The following KCNQ5 variants were observed in gnomAD, a reference collection of about 807,000 sequenced individuals.
The protein encoded by KCNQ5 is potassium voltage-gated channel subfamily Q member 5.
KCNQ5 carries 30 observed loss-of-function variants against 98.2 expected under a neutral mutation model. That is an observed-to-expected ratio of 0.31 (90% CI 0.23 to 0.41). The LOEUF is 0.41. KCNQ5 is among the 10% of genes least tolerant of loss of function. The probability of loss-of-function intolerance (pLI) is 1.00; values close to 1 mark genes in which losing one functional copy is unlikely to be tolerated. For synonymous variants in KCNQ5, 458 were observed against 449.4 expected, an observed-to-expected ratio of 1.02 and a Z score of -0.24; for missense variants, 835 against 1,182.5, an observed-to-expected ratio of 0.71 and a Z score of 4.31.
intron 3 of KCNQ5, among the ~76,000 whole-genome samples, chr6:73,050,220 G>A (rs969219895): frequency 7.1e-6 from 1 of 141,226 alleles, no homozygotes; most frequent in Non-Finnish European, 1.5e-5. Context: ...GAGAGAGAGA[G>A]AGACAAAGAG....
At chr6:72,646,648 C>T (rs1025387076) in intron 1 of KCNQ5, among the ~76,000 whole-genome samples, 7 of 152,186 alleles carry the variant, frequency 4.6e-5, no homozygotes, top group Non-Finnish European at 7.4e-5. Context: ...TCTGCCAATC[C>T]AGCCTTGTTT....
intron 10 of KCNQ5, chr6:73,157,799 G>A (rs1777428430): frequency 1.3e-6 from 1 of 779,270 alleles, no homozygotes; most frequent in Admixed American, 1.7e-5. Context: ...GTTGCCATTA[G>A]CTTGCTCTTG....
At chr6:72,873,044 AT>A (rs1778277212) in intron 1 of KCNQ5, among the ~76,000 whole-genome samples, 1 of 152,102 alleles carries the variant, frequency 6.6e-6, no homozygotes, top group African/African-American at 2.4e-5. Context: ...CCACTAAAGC[AT>A]TTTATACACT....
intron 1 of KCNQ5, among the ~76,000 whole-genome samples, chr6:72,743,234 A>G (rs939406508): frequency 7.9e-5 from 12 of 152,078 alleles, no homozygotes; most frequent in African/African-American, 2.9e-4. Flanking sequence ...CTATATAAAT[A>G]ACAGCATTAA....
At chr6:73,057,483 A>AAAAT (rs1180724511) in intron 3 of KCNQ5, among the ~76,000 whole-genome samples, 11 of 152,134 alleles carry the variant, frequency 7.2e-5, no homozygotes, top group Middle Eastern at 3.2e-3. Context: ...GTATAGTAAA[A>AAAAT]AAATAAATAA....
chr6:73,078,791 A>G (rs1212997226), intron 5 of KCNQ5, among the ~76,000 whole-genome samples: 1 of 152,214 alleles, frequency 6.6e-6, no homozygotes, highest in African/African-American at 2.4e-5. Flanking sequence ...AGAGCCCCAT[A>G]AAATCAGAAT....
chr6:73,077,208 G>T, intron 3 of KCNQ5, 114 bp from the exon 4 acceptor site: 1 of 1,018,330 alleles, frequency 9.8e-7, no homozygotes, highest in Non-Finnish European at 1.5e-6. Context: ...TGGGAATCAA[G>T]ATCTGTTTAT....
chr6:73,036,941 T>C (rs1464606950), intron 2 of KCNQ5, among the ~76,000 whole-genome samples: 1 of 152,240 alleles, frequency 6.6e-6, no homozygotes, highest in Non-Finnish European at 1.5e-5. Context: ...AGGACCATAC[T>C]GTTTTACATT....
chr6:73,084,856 G>C (rs563317632), intron 5 of KCNQ5, among the ~76,000 whole-genome samples: 1 of 152,270 alleles, frequency 6.6e-6, no homozygotes, highest in South Asian at 2.1e-4. Flanking sequence ...CCAGTGAAAA[G>C]ATTCATAACA....
chr6:72,733,213 A>G (rs1404235677), intron 1 of KCNQ5, among the ~76,000 whole-genome samples: 1 of 152,178 alleles, frequency 6.6e-6, no homozygotes, highest in African/African-American at 2.4e-5. Flanking sequence ...TATGAATAAT[A>G]CAACATTTAG....
At chr6:72,645,223 A>C (rs901999886) in intron 1 of KCNQ5, among the ~76,000 whole-genome samples, 19 of 150,994 alleles carry the variant, frequency 1.3e-4, no homozygotes, top group Admixed American at 2.0e-4. Context: ...ACAAAAAAAA[A>C]CAAAAAAAAC....
At chr6:72,968,451 G>GAA (rs199957574) in intron 1 of KCNQ5, among the ~76,000 whole-genome samples, 1 of 144,110 alleles carries the variant, frequency 6.9e-6, no homozygotes, top group African/African-American at 2.5e-5. Flanking sequence ...AGAAATAAGT[G>GAA]AAAAAAAAAA....
intron 1 of KCNQ5, among the ~76,000 whole-genome samples, chr6:72,695,351 AT>A (rs1404077707): frequency 6.6e-6 from 1 of 152,040 alleles, no homozygotes; most frequent in Non-Finnish European, 1.5e-5. Context: ...TTTCTTTATG[AT>A]TTTTTAAGCT....
chr6:72,771,436 T>C (rs988456342), intron 1 of KCNQ5, among the ~76,000 whole-genome samples: 1 of 152,134 alleles, frequency 6.6e-6, no homozygotes, highest in African/African-American at 2.4e-5. Flanking sequence ...GATTCCCTTT[T>C]CTCCACACCA....
At chr6:72,745,254 T>G (rs1771324969) in intron 1 of KCNQ5, among the ~76,000 whole-genome samples, 2 of 152,248 alleles carry the variant, frequency 1.3e-5, no homozygotes, top group African/African-American at 4.8e-5. Flanking sequence ...AAAGATCAAT[T>G]AGGAAATTAT....
At chr6:72,923,845 C>A (rs1780511353) in intron 1 of KCNQ5, among the ~76,000 whole-genome samples, 1 of 152,112 alleles carries the variant, frequency 6.6e-6, no homozygotes, top group Admixed American at 6.5e-5. Flanking sequence ...TTCTTTTGCC[C>A]ACTTTTATTT....
chr6:73,031,208 C>G (rs1467875611), intron 2 of KCNQ5, among the ~76,000 whole-genome samples: 1 of 152,106 alleles, frequency 6.6e-6, no homozygotes, highest in Non-Finnish European at 1.5e-5. Flanking sequence ...TATCGGGTAA[C>G]AACAAATGAA....
intron 1 of KCNQ5, among the ~76,000 whole-genome samples, chr6:72,723,260 C>T (rs1392486300): frequency 6.6e-6 from 1 of 152,114 alleles, no homozygotes; most frequent in Non-Finnish European, 1.5e-5. Flanking sequence ...AATAATGGTA[C>T]TTACTCTTAA....
At chr6:72,872,405 G>A (rs767966766) in intron 1 of KCNQ5, among the ~76,000 whole-genome samples, 3 of 152,162 alleles carry the variant, frequency 2.0e-5, no homozygotes, top group African/African-American at 4.8e-5. Context: ...ACATGAGGAC[G>A]TGGTTTGTCT....
Sources: gnomAD v4.1 joint callset for allele counts (sites outside exome capture counted in the v4.1 genomes callset) on GRCh38, gnomAD v4.1.1 for gene constraint, MANE v1.5 for transcripts, NCBI Gene and HGNC (gene_info 2026-07-23, HGNC 2026-07-21) for gene names.